The following ASIC2 variants were observed in gnomAD, a reference collection of about 807,000 sequenced individuals.
The protein encoded by ASIC2 is acid-sensing ion channel 2.
ASIC2 carries 25 observed loss-of-function variants against 57.3 expected under a neutral mutation model. The observed-to-expected ratio is 0.44, with a 90% CI of 0.32 to 0.61. ASIC2 has a LOEUF of 0.61. Ranked by LOEUF, ASIC2 falls within the 20% of genes least tolerant of loss-of-function variation. The pLI is 0.06. For synonymous variants in ASIC2, 319 were observed against 307.5 expected, an observed-to-expected ratio of 1.04 and a Z score of -0.39; for missense variants, 641 against 738.1, an observed-to-expected ratio of 0.87 and a Z score of 1.52.
At chr17:34,111,001 A>C (rs1911253434) in intron 1 of ASIC2, among the ~76,000 whole-genome samples, 1 of 152,118 alleles carries the variant, frequency 6.6e-6, no homozygotes, top group African/African-American at 2.4e-5. Context: ...AGGCTGGTGG[A>C]TCACTTGAGG....
At chr17:33,232,495 G>GTATGA in intron 1 of ASIC2, among the ~76,000 whole-genome samples, 2 of 147,550 alleles carry the variant, frequency 1.4e-5, no homozygotes, top group African/African-American at 5.2e-5. Flanking sequence ...GTATGGTATG[G>GTATGA]TACGGTATGG....
intron 1 of ASIC2, among the ~76,000 whole-genome samples, chr17:33,752,081 C>T (rs1034222431): frequency 1.5e-4 from 23 of 152,266 alleles, no homozygotes; most frequent in African/African-American, 5.5e-4. Context: ...AAGAGCAAGG[C>T]AAGTCCCTGC....
At chr17:33,436,622 A>G (rs1911617230) in intron 1 of ASIC2, among the ~76,000 whole-genome samples, 1 of 152,146 alleles carries the variant, frequency 6.6e-6, no homozygotes, top group Non-Finnish European at 1.5e-5. Flanking sequence ...CAAATTATCC[A>G]TAAAAACCCA....
intron 1 of ASIC2, among the ~76,000 whole-genome samples, chr17:33,651,079 T>G (rs1490055117): frequency 6.6e-6 from 1 of 151,470 alleles, no homozygotes; most frequent in East Asian, 1.9e-4. Flanking sequence ...AAGTTTAATT[T>G]TAAAATTAAA....
At chr17:33,081,522 A>G (rs2092112993) in intron 3 of ASIC2, among the ~76,000 whole-genome samples, 1 of 151,804 alleles carries the variant, frequency 6.6e-6, no homozygotes, top group Admixed American at 6.6e-5. Flanking sequence ...GCCATTTGGA[A>G]GTCACTAAAG....
chr17:33,600,768 AG>A (rs1384647200), intron 1 of ASIC2, among the ~76,000 whole-genome samples: 2 of 152,206 alleles, frequency 1.3e-5, no homozygotes, highest in Non-Finnish European at 2.9e-5. Flanking sequence ...AAAAAGTCAT[AG>A]GGAAAGCCAA....
At chr17:34,067,649 T>C (rs1002479971) in intron 1 of ASIC2, among the ~76,000 whole-genome samples, 6 of 152,210 alleles carry the variant, frequency 3.9e-5, no homozygotes, top group Admixed American at 3.3e-4. Flanking sequence ...TGGAAATAAC[T>C]TAACTGTCTT....
chr17:34,095,607 T>TTATATATATATATATATATATATAATTA (rs3071169), intron 1 of ASIC2, among the ~76,000 whole-genome samples: 1 of 96,146 alleles, frequency 1.0e-5, no homozygotes, highest in Non-Finnish European at 1.9e-5. Flanking sequence ...CAGGCAAATT[T>TTATATATATATATATATATATATAATTA]TATATATATA....
At chr17:33,116,516 A>G (rs2141992359) in intron 1 of ASIC2, among the ~76,000 whole-genome samples, 1 of 152,310 alleles carries the variant, frequency 6.6e-6, no homozygotes, top group Non-Finnish European at 1.5e-5. Context: ...CCCACTGTGG[A>G]TGGCAGGGCT....
At chr17:33,941,801 T>C (rs913679940) in intron 1 of ASIC2, among the ~76,000 whole-genome samples, 1 of 152,172 alleles carries the variant, frequency 6.6e-6, no homozygotes, top group Admixed American at 6.5e-5. Context: ...GGTTTGCTCA[T>C]GGCTGGAGTC....
intron 1 of ASIC2, among the ~76,000 whole-genome samples, chr17:33,486,389 T>A (rs1170794153): frequency 2.0e-5 from 3 of 152,144 alleles, no homozygotes; most frequent in Non-Finnish European, 4.4e-5. Context: ...GGCTTCAGAG[T>A]CCATCAGCTT....
chr17:34,133,055 G>T (rs567558830), intron 1 of ASIC2, among the ~76,000 whole-genome samples: 26 of 152,290 alleles, frequency 1.7e-4, no homozygotes, highest in African/African-American at 5.8e-4. Context: ...AGGCAGAAGA[G>T]AACTACCAAG....
At chr17:34,145,501 G>C (rs949506887) in intron 1 of ASIC2, among the ~76,000 whole-genome samples, 1 of 152,140 alleles carries the variant, frequency 6.6e-6, no homozygotes, top group African/African-American at 2.4e-5. Flanking sequence ...ATAAGCAATT[G>C]TCTGGCCTCA....
At chr17:33,567,707 T>C (rs2057828944) in intron 1 of ASIC2, among the ~76,000 whole-genome samples, 1 of 152,018 alleles carries the variant, frequency 6.6e-6, no homozygotes, top group Admixed American at 6.6e-5. Context: ...AGCAATTGGG[T>C]ACATGGAGGC....
chr17:33,684,913 T>G (rs1459447386), intron 1 of ASIC2, among the ~76,000 whole-genome samples: 2 of 152,174 alleles, frequency 1.3e-5, no homozygotes, highest in Non-Finnish European at 2.9e-5. Flanking sequence ...AGCAGGATCC[T>G]ATTGTGAAAC....
rs529948632 is a variant in ASIC2, at chr17:33,251,266, T to C, written c.708+40142A>G. Among the ~76,000 whole-genome samples the C allele has an allele frequency of 3.9e-5, 6 of 152,328 alleles. No individual in the cohort carries two copies. In the East Asian group the frequency reaches 1.2e-3, roughly 29 times the overall value. ...AATTAAGACACATGTTGTTGTTCAA[T>C]AGGGCAGGAAAGAGTGAAAACCAGC... is the stretch of plus-strand genomic sequence containing the variant. On this transcript the variant is annotated intron_variant, in intron 1 of 9. Coordinates refer to ENST00000225823, the MANE Select transcript of ASIC2 (RefSeq NM_183377.2).
chr17:33,312,273 G>A (rs1369486344), intron 1 of ASIC2, among the ~76,000 whole-genome samples: 1 of 152,202 alleles, frequency 6.6e-6, no homozygotes, highest in Non-Finnish European at 1.5e-5. Context: ...ATTCTTAAAT[G>A]GCAGCATTCT....
chr17:34,037,007 A>C (rs1907913612), intron 1 of ASIC2: 2 of 152,628 alleles, frequency 1.3e-5, no homozygotes, highest in South Asian at 4.1e-4. Flanking sequence ...CTTTATGACC[A>C]AATGTATTCT....
At chr17:34,047,067 A>G (rs1453796953) in intron 1 of ASIC2, among the ~76,000 whole-genome samples, 1 of 152,134 alleles carries the variant, frequency 6.6e-6, no homozygotes, top group African/African-American at 2.4e-5. Context: ...TAAAGGTCAG[A>G]GGTATTCATT....
Sources: allele counts gnomAD v4.1 joint callset (sites outside exome capture counted in the v4.1 genomes callset), GRCh38; gene constraint gnomAD v4.1.1; transcripts MANE v1.5; gene names NCBI Gene and HGNC (gene_info 2026-07-23, HGNC 2026-07-21).